OCA2: variants seen among roughly 807,000 people sequenced by gnomAD.
OCA2 encodes the protein P protein.
In OCA2, 77 loss-of-function variants were observed where a neutral mutation model predicts 100.2. The ratio of observed to expected loss-of-function variants is 0.77; its 90% confidence interval spans 0.64 to 0.93. The LOEUF is 0.93. Ranked by LOEUF, OCA2 falls within the 40% of genes least tolerant of loss-of-function variation. The pLI is 0.00. For missense variants in OCA2, 1,062 were observed against 1,089.1 expected, an observed-to-expected ratio of 0.98 and a Z score of 0.35; for synonymous variants, 432 against 439.2, an observed-to-expected ratio of 0.98 and a Z score of 0.21.
intron 16 of OCA2, among the ~76,000 whole-genome samples, chr15:27,956,371 C>T (rs572280709): frequency 6.6e-6 from 1 of 152,216 alleles, no homozygotes; most frequent in East Asian, 1.9e-4. Context: ...ACCTGCAGAG[C>T]TCGACCTTGC....
chr15:28,014,612 T>C (rs1178727205), intron 9 of OCA2, among the ~76,000 whole-genome samples, 164 bp downstream of exon 9: 1 of 152,326 alleles, frequency 6.6e-6, no homozygotes, highest in East Asian at 1.9e-4. Flanking sequence ...TCCTGTATGG[T>C]TCCCTTTCTA....
chr15:27,809,202 T>G lies in OCA2; in HGVS notation c.2432+35757A>C, dbSNP rs150722885. Among the ~76,000 whole-genome samples the G allele has an allele frequency of 3.2e-3, 493 of 152,346 alleles. 6 individuals are homozygous for G. The highest frequency in any genetic ancestry group is 0.011 in the African/African-American group (466 of 41,584). On this transcript the variant is annotated intron_variant, in intron 23 of 23. Coordinates refer to ENST00000354638, the MANE Select transcript of OCA2 (RefSeq NM_000275.3). ...TTTGGACAATGCTGAAGCTTACCGTTTGGGGATGTTTCACTGACTTTGGGA... is the reference window on the plus strand; with the variant it reads ...TTTGGACAATGCTGAAGCTTACCGTGTGGGGATGTTTCACTGACTTTGGGA...
At chr15:28,069,674 G>A (rs969259594) in intron 2 of OCA2, among the ~76,000 whole-genome samples, 31 of 146,432 alleles carry the variant, frequency 2.1e-4, no homozygotes, top group African/African-American at 8.0e-4. Flanking sequence ...GAGGTGCCGG[G>A]ATTGCAGACG....
At chr15:27,990,485 G>GA in intron 10 of OCA2, 91 bp downstream of exon 10, 1 of 1,329,278 alleles carries the variant, frequency 7.5e-7, no homozygotes, top group Non-Finnish European at 1.1e-6. Context: ...ATAAAATAGT[G>GA]AAAAAACCAG....
At chr15:28,020,539 T>C (rs1248084012) in intron 6 of OCA2, among the ~76,000 whole-genome samples, 1 of 152,116 alleles carries the variant, frequency 6.6e-6, no homozygotes, top group Non-Finnish European at 1.5e-5. Flanking sequence ...TGGCATGTCC[T>C]GGGAACTTCA....
intron 22 of OCA2, among the ~76,000 whole-genome samples, chr15:27,846,371 C>T (rs2035537474): frequency 1.3e-5 from 2 of 152,250 alleles, no homozygotes; most frequent in South Asian, 4.1e-4. Context: ...CTGCCCTGCT[C>T]AGCCCCAAGA....
chr15:27,809,054 C>T (rs2033974670), intron 23 of OCA2, among the ~76,000 whole-genome samples: 1 of 152,192 alleles, frequency 6.6e-6, no homozygotes, highest in African/African-American at 2.4e-5. Context: ...CAAAGGCTCC[C>T]CAACCTTGCA....
At chr15:28,079,408 A>G (rs74596919) in intron 2 of OCA2, among the ~76,000 whole-genome samples, 11,913 of 151,942 alleles carry the variant, frequency 0.078, 581 homozygotes, top group East Asian at 0.23. Context: ...GATACTGTGT[A>G]CATGGCCACC....
chr15:27,807,026 C>T (rs2033882107), intron 23 of OCA2, among the ~76,000 whole-genome samples: 1 of 152,258 alleles, frequency 6.6e-6, no homozygotes, highest in African/African-American at 2.4e-5. Context: ...ACGAAAAACA[C>T]GTGCTCTGGA....
At chr15:27,994,677 T>C in intron 9 of OCA2, among the ~76,000 whole-genome samples, 1 of 152,196 alleles carries the variant, frequency 6.6e-6, no homozygotes, top group South Asian at 2.1e-4. Context: ...GCGCAAGCAA[T>C]ACATGCTGAG....
intron 2 of OCA2, among the ~76,000 whole-genome samples, chr15:28,054,823 A>C (rs965209602): frequency 2.8e-4 from 43 of 152,162 alleles, no homozygotes; most frequent in African/African-American, 1.0e-3. Context: ...CATGGCTGGG[A>C]AGGCCTCAGA....
At chr15:27,976,580 T>A (rs377161732) in intron 14 of OCA2, among the ~76,000 whole-genome samples, 3 of 152,194 alleles carry the variant, frequency 2.0e-5, no homozygotes, top group Admixed American at 6.5e-5. Flanking sequence ...AATATAAGAA[T>A]CTTCCATTCC....
intron 18 of OCA2, among the ~76,000 whole-genome samples, chr15:27,948,427 G>GTGTC (rs1183343399): frequency 6.6e-6 from 1 of 152,154 alleles, no homozygotes; most frequent in Non-Finnish European, 1.5e-5. Flanking sequence ...GTGCTCAGAA[G>GTGTC]TGTCTGGAGT....
chr15:27,892,018 C>A (rs1429445641), intron 19 of OCA2, among the ~76,000 whole-genome samples: 2 of 151,956 alleles, frequency 1.3e-5, no homozygotes, highest in African/African-American at 4.8e-5. Context: ...CAGGAAGATA[C>A]AACAATCCTA....
chr15:27,884,288 C>T (rs112319214), intron 19 of OCA2, among the ~76,000 whole-genome samples: 2,375 of 152,282 alleles, frequency 0.016, 56 homozygotes, highest in African/African-American at 0.05. Context: ...GGTGGGATGA[C>T]TACTTGGGCC....
intron 23 of OCA2, among the ~76,000 whole-genome samples, chr15:27,830,457 T>C (rs1269344457): frequency 6.6e-6 from 1 of 151,974 alleles, no homozygotes; most frequent in Non-Finnish European, 1.5e-5. Context: ...AATAATAGGA[T>C]AGAAAAGGAG....
intron 21 of OCA2, among the ~76,000 whole-genome samples, chr15:27,862,640 A>AAT (rs2036180801): frequency 6.6e-6 from 1 of 151,902 alleles, no homozygotes; most frequent in African/African-American, 2.4e-5. Context: ...ATGCCCAGCT[A>AAT]ATGTTTGTAT....
intron 2 of OCA2, among the ~76,000 whole-genome samples, chr15:28,071,278 T>A (rs953760094): frequency 6.6e-6 from 1 of 151,086 alleles, no homozygotes; most frequent in East Asian, 1.9e-4. Flanking sequence ...GTGACGCAAA[T>A]AAATAGAAAA....
intron 21 of OCA2, among the ~76,000 whole-genome samples, chr15:27,853,452 T>C (rs1033772085): frequency 5.0e-5 from 7 of 140,746 alleles, no homozygotes; most frequent in African/African-American, 1.6e-4. Context: ...AGGGATAGCA[T>C]TGGGAGATAT....
Sources: allele counts gnomAD v4.1 joint callset (sites outside exome capture counted in the v4.1 genomes callset), GRCh38; gene constraint gnomAD v4.1.1; transcripts MANE v1.5; gene names NCBI Gene and HGNC (gene_info 2026-07-23, HGNC 2026-07-21).